SHISA9: variants seen among roughly 807,000 people sequenced by gnomAD.
SHISA9 encodes the protein protein shisa-9.
SHISA9 carries 13 observed loss-of-function variants against 38.0 expected under a neutral mutation model. The observed-to-expected ratio is 0.34, with a 90% CI of 0.22 to 0.54. SHISA9 has a LOEUF of 0.54. Among genes scored for constraint, SHISA9 ranks in the 20% least tolerant of loss-of-function variants. The pLI is 0.91. For synonymous variants in SHISA9, 275 were observed against 242.0 expected (o/e 1.14, Z -1.27); for missense variants, 538 against 575.8 (o/e 0.93, Z 0.67).
At chr16:13,259,469 C>G in the SHISA9 span, among the ~76,000 whole-genome samples, 2 of 152,180 alleles carry the variant, frequency 1.3e-5, no homozygotes, top group African/African-American at 4.8e-5. Context: ...CTAGGCAGCC[C>G]CCAAGTAGGG....
chr16:13,466,141 G>T, the SHISA9 span, among the ~76,000 whole-genome samples: 1 of 152,136 alleles, frequency 6.6e-6, no homozygotes, highest in African/African-American at 2.4e-5. Flanking sequence ...TGGCCTAGAG[G>T]TCTTAGTTCC....
At chr16:13,016,596 T>C (rs1035827100) in intron 2 of SHISA9, among the ~76,000 whole-genome samples, 1 of 152,224 alleles carries the variant, frequency 6.6e-6, no homozygotes, top group Non-Finnish European at 1.5e-5. Flanking sequence ...TTTTTTGCTG[T>C]TTTTTGCCGT....
the SHISA9 span, among the ~76,000 whole-genome samples, chr16:13,419,303 A>G: frequency 1.3e-5 from 2 of 152,250 alleles, no homozygotes; most frequent in African/African-American, 4.8e-5. Flanking sequence ...AGAGATGGAA[A>G]GAACAGCGGG....
At chr16:13,401,529 G>A in the SHISA9 span, among the ~76,000 whole-genome samples, 1,063 of 152,334 alleles carry the variant, frequency 7.0e-3, 5 homozygotes, top group Non-Finnish European at 0.011. Flanking sequence ...GGTCTGTGAG[G>A]AAGTGATAAA....
At chr16:13,056,543 T>C (rs1246442316) in intron 2 of SHISA9, among the ~76,000 whole-genome samples, 1 of 152,124 alleles carries the variant, frequency 6.6e-6, no homozygotes, top group Non-Finnish European at 1.5e-5. Flanking sequence ...TAGAATAATA[T>C]CAGTTATGGG....
At chr16:13,217,849 G>C (rs1233992982) in intron 4 of SHISA9, among the ~76,000 whole-genome samples, 2 of 152,092 alleles carry the variant, frequency 1.3e-5, no homozygotes, top group African/African-American at 2.4e-5. Flanking sequence ...GGCTAACATG[G>C]AGAAACCTCA....
intron 2 of SHISA9, among the ~76,000 whole-genome samples, chr16:13,142,190 G>A (rs780788074): frequency 3.9e-5 from 6 of 152,180 alleles, no homozygotes; most frequent in Admixed American, 1.3e-4. Flanking sequence ...TGGACTGGGC[G>A]AAGTGGGAGT....
chr16:12,957,225 C>T (rs1018398044), intron 2 of SHISA9, among the ~76,000 whole-genome samples: 6 of 152,226 alleles, frequency 3.9e-5, no homozygotes, highest in Admixed American at 1.3e-4. Flanking sequence ...CTTCTTTTAG[C>T]CTCTTTTGAA....
At chr16:13,396,318 C>A in the SHISA9 span, among the ~76,000 whole-genome samples, 1 of 152,176 alleles carries the variant, frequency 6.6e-6, no homozygotes, top group East Asian at 1.9e-4. Context: ...ACCAGCCTGG[C>A]CAACATGGCG....
the SHISA9 span, among the ~76,000 whole-genome samples, chr16:13,541,002 A>C: frequency 2.0e-5 from 3 of 152,158 alleles, no homozygotes; most frequent in Non-Finnish European, 2.9e-5. Flanking sequence ...GCTTCTAAAC[A>C]GACCTACTAC....
the SHISA9 span, among the ~76,000 whole-genome samples, chr16:13,549,037 AAG>A: frequency 1.8e-4 from 27 of 152,346 alleles, no homozygotes; most frequent in African/African-American, 6.3e-4. Context: ...CCACATAAAA[AAG>A]AGAGAAAATT....
the SHISA9 span, among the ~76,000 whole-genome samples, chr16:13,470,351 A>G: frequency 6.6e-6 from 1 of 152,170 alleles, no homozygotes; most frequent in Non-Finnish European, 1.5e-5. Context: ...TGAGGAGTGT[A>G]TTAGTCTGTT....
the SHISA9 span, among the ~76,000 whole-genome samples, chr16:13,378,391 C>A: frequency 6.6e-6 from 1 of 152,266 alleles, no homozygotes; most frequent in East Asian, 1.9e-4. Flanking sequence ...GCAGCCCTGG[C>A]ATTACTAGAG....
rs144468149 is a variant in SHISA9, at chr16:13,195,654, C to A, written c.692-7740C>A. Among the ~76,000 whole-genome samples the A allele has an allele frequency of 1.6e-3, 246 of 152,230 alleles. 1 individual carries two copies. The highest frequency in any genetic ancestry group is 3.1e-3 in the Admixed American group (47 of 15,290). ...AGAAATCTGTCCAACACTTCCTAAG[C>A]CAGGCAATAGTTTAACATCAATAGC... On this transcript the variant is annotated intron_variant, in intron 2 of 4. Transcript: ENST00000558583.
At chr16:13,547,518 A>G in the SHISA9 span, among the ~76,000 whole-genome samples, 6 of 152,236 alleles carry the variant, frequency 3.9e-5, no homozygotes, top group Non-Finnish European at 7.3e-5. Context: ...TCTCTGATAT[A>G]CAATGGCAGA....
At chr16:13,307,287 T>C in the SHISA9 span, among the ~76,000 whole-genome samples, 7 of 152,240 alleles carry the variant, frequency 4.6e-5, no homozygotes, top group East Asian at 1.3e-3. Flanking sequence ...ATGTCATTTA[T>C]TTTTCATATT....
At chr16:13,441,601 T>C in the SHISA9 span, among the ~76,000 whole-genome samples, 1 of 152,172 alleles carries the variant, frequency 6.6e-6, no homozygotes, top group Non-Finnish European at 1.5e-5. Context: ...GGGAGGGTGC[T>C]AAGTGAAAAT....
At chr16:13,341,903 T>C in the SHISA9 span, among the ~76,000 whole-genome samples, 1 of 152,336 alleles carries the variant, frequency 6.6e-6, no homozygotes, top group Non-Finnish European at 1.5e-5. Context: ...CCAATCCTTT[T>C]CTGTGACTGA....
the SHISA9 span, among the ~76,000 whole-genome samples, chr16:13,537,483 G>A: frequency 6.6e-6 from 1 of 151,822 alleles, no homozygotes; most frequent in Non-Finnish European, 1.5e-5. Context: ...AGAATAAATG[G>A]AATATTTTAT....
Sources: gnomAD v4.1 joint callset for allele counts (sites outside exome capture counted in the v4.1 genomes callset) on GRCh38, gnomAD v4.1.1 for gene constraint, MANE v1.5 for transcripts, NCBI Gene and HGNC (gene_info 2026-07-23, HGNC 2026-07-21) for gene names.